The following FAM163B variants were observed in gnomAD, a reference collection of about 807,000 sequenced individuals.
FAM163B encodes protein FAM163B.
In FAM163B, 4 loss-of-function variants were observed where a neutral mutation model predicts 7.6. The observed-to-expected ratio is 0.52, with a 90% CI of 0.26 to 1.20. FAM163B has a LOEUF of 1.20. FAM163B is among the 50% of genes most tolerant of loss of function. The pLI, the probability that FAM163B is intolerant of heterozygous loss-of-function variation, is 0.14. For missense variants in FAM163B, 250 were observed against 243.0 expected, an observed-to-expected ratio of 1.03 and a Z score of -0.19; for synonymous variants, 120 against 111.6, an observed-to-expected ratio of 1.07 and a Z score of -0.47.
intron 1 of FAM163B, among the ~76,000 whole-genome samples, chr9:133,598,485 T>C (rs953665827): frequency 2.0e-5 from 3 of 151,748 alleles, no homozygotes; most frequent in African/African-American, 7.3e-5. Context: ...GCAGTTTCCA[T>C]GGCTACAGCT....
chr9:133,599,387 C>G (rs1254049995), intron 1 of FAM163B, among the ~76,000 whole-genome samples: 3 of 152,148 alleles, frequency 2.0e-5, no homozygotes, highest in Admixed American at 2.0e-4. Flanking sequence ...GTCCCGGGAC[C>G]CCACTGCAAG....
At chr9:133,608,409 C>A (rs1831815018) in intron 1 of FAM163B, among the ~76,000 whole-genome samples, 1 of 151,980 alleles carries the variant, frequency 6.6e-6, no homozygotes, top group Non-Finnish European at 1.5e-5. Flanking sequence ...TGTGTAGAGT[C>A]TTTTCTTTTC....
intron 1 of FAM163B, among the ~76,000 whole-genome samples, chr9:133,588,697 C>CTAGGATGCTGAAGGATCTAGTGTGT (rs1588326121): frequency 8.8e-5 from 1 of 11,316 alleles, no homozygotes; most frequent in East Asian, 2.3e-3. Flanking sequence ...ATCTAGCATG[C>CTAGGATGCTGAAGGATCTAGTGTGT]TGAGGGATCT....
intron 1 of FAM163B, among the ~76,000 whole-genome samples, chr9:133,592,781 G>C (rs932173133): frequency 4.6e-5 from 7 of 152,106 alleles, no homozygotes; most frequent in Admixed American, 2.6e-4. Flanking sequence ...CCGGCGGGGG[G>C]GTCAGAAACT....
At chr9:133,595,169 G>A (rs1216452241) in intron 1 of FAM163B, among the ~76,000 whole-genome samples, 3 of 152,112 alleles carry the variant, frequency 2.0e-5, no homozygotes, top group African/African-American at 7.2e-5. Context: ...TTTTTGAGAC[G>A]GAGTCTCCCT....
chr9:133,590,267 C>T (rs1831531539), intron 1 of FAM163B, among the ~76,000 whole-genome samples: 1 of 85,814 alleles, frequency 1.2e-5, no homozygotes, highest in Non-Finnish European at 2.7e-5. Flanking sequence ...TCCTTCCTTC[C>T]TTTTTTCTTT....
rs201858481 is a variant in FAM163B at position 133,601,542 on chromosome 9, CA to C, written c.-24+7534del. On this transcript the variant is annotated intron_variant, in intron 1 of 2. Transcript: ENST00000673969. This position sits in a 1 kb window ranked among gnomAD's most constrained non-coding sequence, Gnocchi z 4.1. The stretch of plus-strand genomic sequence containing the variant: ...GTTCCCTTCCGATTACTGAAACCCC[CA>C]TAACTGGAGAATTTCGGGTGCCACA... Among the ~76,000 whole-genome samples the C allele has an allele frequency of 1.7e-3, 260 of 152,296 alleles. 2 individuals carry two copies. Among genetic ancestry groups the C allele is most frequent in the African/African-American group, 5.9e-3 (247 of 41,566 alleles).
chr9:133,595,759 C>T (rs1018669488), intron 1 of FAM163B, among the ~76,000 whole-genome samples: 3 of 152,208 alleles, frequency 2.0e-5, no homozygotes, highest in Admixed American at 2.0e-4. Context: ...TTGCTCTCCA[C>T]CCCCTTAACC....
intron 1 of FAM163B, among the ~76,000 whole-genome samples, chr9:133,588,285 T>G (rs76543852): frequency 0.43 from 65,920 of 151,788 alleles, 15,145 homozygotes; most frequent in East Asian, 0.9. Context: ...GCCATGGGGG[T>G]CTCAGATAGA....
intron 1 of FAM163B, among the ~76,000 whole-genome samples, chr9:133,594,844 A>G (rs749844988): frequency 3.3e-5 from 5 of 152,138 alleles, no homozygotes; most frequent in Admixed American, 6.5e-5. Context: ...CACCCTGGGC[A>G]GGAAATGGCA....
At chr9:133,605,729 C>CCCGAGCGTCCGGCG (rs2131265649) in intron 1 of FAM163B, among the ~76,000 whole-genome samples, 1 of 152,310 alleles carries the variant, frequency 6.6e-6, no homozygotes, top group Non-Finnish European at 1.5e-5. Context: ...TGCGGCCCAT[C>CCCGAGCGTCCGGCG]CCGAGCGTCC....
At chr9:133,592,968 C>G (rs1473744492) in intron 1 of FAM163B, among the ~76,000 whole-genome samples, 1 of 152,224 alleles carries the variant, frequency 6.6e-6, no homozygotes, top group Non-Finnish European at 1.5e-5. Context: ...CGAACCAATA[C>G]TTGCACAGCT....
chr9:133,595,699 C>T (rs563785398), intron 1 of FAM163B, among the ~76,000 whole-genome samples: 2 of 152,304 alleles, frequency 1.3e-5, no homozygotes, highest in African/African-American at 4.8e-5. Context: ...GTGGCTTCCC[C>T]CACTTTACAG....
intron 1 of FAM163B, among the ~76,000 whole-genome samples, chr9:133,599,771 TTTGTC>T (rs1831687542): frequency 1.3e-5 from 2 of 150,602 alleles, no homozygotes; most frequent in Non-Finnish European, 3.0e-5. Context: ...CAAGTGTGTT[TTTGTC>T]TGTGCGTGTG....
rs909895713 is a variant in FAM163B, at chr9:133,601,690, G to C, written c.-24+7387C>G. ...GCTGGTTTTGAATGTTTTGAGTGAAGACCCTGATGGGAAACCAGACGCCAT... is the reference window on the plus strand; with the variant it reads ...GCTGGTTTTGAATGTTTTGAGTGAACACCCTGATGGGAAACCAGACGCCAT... On this transcript the variant is annotated intron_variant, in intron 1 of 2. Transcript: ENST00000673969. This position sits in a 1 kb window ranked among gnomAD's most constrained non-coding sequence, Gnocchi z 4.1. Among the ~76,000 whole-genome samples the C allele has an allele frequency of 1.3e-5, 2 of 152,190 alleles. No homozygotes were observed. The highest frequency in any genetic ancestry group is 2.9e-5 in the Non-Finnish European group (2 of 68,038).
rs1831700563 is a variant in FAM163B at position 133,600,211 on chromosome 9, G to C, written c.-24+8866C>G. Among the ~76,000 whole-genome samples the C allele has an allele frequency of 6.6e-6, 1 of 151,080 alleles. No individual in the cohort carries two copies. Among genetic ancestry groups the C allele is most frequent in the South Asian group, 2.1e-4 (1 of 4,752 alleles). On this transcript the variant is annotated intron_variant, in intron 1 of 2. Coordinates refer to ENST00000673969, the MANE Select transcript of FAM163B (RefSeq NM_001080515.3). This position sits in a 1 kb window ranked among gnomAD's most constrained non-coding sequence, Gnocchi z 4.9. ...GTGGGAATGTGGTCTGTGTGAGTGT[G>C]TGTGTGTGGGGGGGAATGTGGTCTG...
At chr9:133,586,956 C>T (rs1038190266) in intron 1 of FAM163B, among the ~76,000 whole-genome samples, 21 of 152,138 alleles carry the variant, frequency 1.4e-4, no homozygotes, top group Admixed American at 5.2e-4. Flanking sequence ...AAGAGTGGTT[C>T]GGCCACTGTC....
intron 1 of FAM163B, among the ~76,000 whole-genome samples, chr9:133,588,758 A>G (rs1287560200): frequency 1.4e-4 from 4 of 28,122 alleles, no homozygotes; most frequent in Non-Finnish European, 3.1e-4. Context: ...TGCTCCCCAG[A>G]GAGGGGACCT....
intron 1 of FAM163B, among the ~76,000 whole-genome samples, chr9:133,593,759 G>A (rs1417632759): frequency 6.6e-6 from 1 of 152,236 alleles, no homozygotes; most frequent in Non-Finnish European, 1.5e-5. Flanking sequence ...CCTCATCCTG[G>A]CCCAGGGAGA....
Sources: allele counts gnomAD v4.1 joint callset (sites outside exome capture counted in the v4.1 genomes callset), GRCh38; gene constraint gnomAD v4.1.1; non-coding constraint Gnocchi (gnomAD v3.1); transcripts MANE v1.5; gene names NCBI Gene and HGNC (gene_info 2026-07-23, HGNC 2026-07-21).